The following EDIL3 variants were observed in gnomAD, a reference collection of about 807,000 sequenced individuals.
EDIL3 encodes the protein EGF-like repeat and discoidin I-like domain-containing protein 3.
EDIL3 carries 37 observed loss-of-function variants against 67.4 expected under a neutral mutation model. The observed-to-expected ratio is 0.55, with a 90% CI of 0.42 to 0.72. The LOEUF (loss-of-function observed/expected upper bound fraction) is 0.72, where lower values mean the gene tolerates loss of function less well. Ranked by LOEUF, EDIL3 falls within the 30% of genes least tolerant of loss-of-function variation. The pLI is 0.00. For synonymous variants in EDIL3, 195 were observed against 196.3 expected, an observed-to-expected ratio of 0.99 and a Z score of 0.05; for missense variants, 527 against 586.3, an observed-to-expected ratio of 0.90 and a Z score of 1.04.
chr5:83,964,991 C>T (rs1744665535), intron 9 of EDIL3, among the ~76,000 whole-genome samples: 1 of 151,960 alleles, frequency 6.6e-6, no homozygotes, highest in Admixed American at 6.6e-5. Flanking sequence ...ATTAATTCCA[C>T]TTTACAGATG....
At chr5:84,081,827 A>G (rs1746974486) in intron 6 of EDIL3, among the ~76,000 whole-genome samples, 1 of 151,872 alleles carries the variant, frequency 6.6e-6, no homozygotes, top group African/African-American at 2.4e-5. Flanking sequence ...TTTTTAACAG[A>G]GAGATGGGGA....
chr5:84,149,523 T>A (rs1210517513), intron 4 of EDIL3, among the ~76,000 whole-genome samples: 1 of 152,128 alleles, frequency 6.6e-6, no homozygotes, highest in African/African-American at 2.4e-5. Flanking sequence ...CCTAGAAGGA[T>A]CAAACTGTTT....
chr5:84,152,505 G>A (rs931007467), intron 4 of EDIL3, among the ~76,000 whole-genome samples: 4 of 152,290 alleles, frequency 2.6e-5, no homozygotes, highest in Non-Finnish European at 5.9e-5. Context: ...GCATTGCTCT[G>A]TTATGCTATT....
At chr5:84,312,184 G>GA (rs1746408268) in intron 1 of EDIL3, among the ~76,000 whole-genome samples, 2 of 148,928 alleles carry the variant, frequency 1.3e-5, no homozygotes, top group African/African-American at 4.9e-5. Flanking sequence ...TGGCCGGGCG[G>GA]GGGCTGACCC....
Position 84,376,454 on chromosome 5 carries a change from C to T in EDIL3, c.67+7854G>A, listed in dbSNP as rs528337807. Among the ~76,000 whole-genome samples the T allele has an allele frequency of 5.3e-5, 8 of 152,266 alleles. 1 individual carries two copies. In the South Asian group the frequency reaches 1.7e-3, roughly 32 times the overall value. On this transcript the variant is annotated intron_variant, in intron 1 of 10. Coordinates refer to ENST00000296591, the MANE Select transcript of EDIL3 (RefSeq NM_005711.5). ...AAAAAAGGGAAAAATCACTTAGAAG[C>T]AGCTTTTCTTTTAATTGAAGGTTCA...
chr5:84,203,128 G>A (rs1207950374), intron 3 of EDIL3, among the ~76,000 whole-genome samples: 1 of 152,042 alleles, frequency 6.6e-6, no homozygotes, highest in African/African-American at 2.4e-5. Context: ...TGTTCATGTC[G>A]AATGCTCCAG....
rs10708401 is a variant in EDIL3, at chr5:83,963,655, G to GTT, written c.1138-297_1138-296dup. ...TAGGTGGATTCATCTATTTGTGCAG[G>GTT]TTTTTTTTTTTTTTTTTGTAACTGA... is the stretch of plus-strand genomic sequence containing the variant. On this transcript the variant is annotated intron_variant, in intron 9 of 10. Coordinates refer to ENST00000296591, the MANE Select transcript of EDIL3 (RefSeq NM_005711.5). 5.0e-3 allele frequency among the ~76,000 whole-genome samples: 672 copies of GTT among 133,090 alleles called. 3 individuals carry two copies. The highest frequency in any genetic ancestry group is 8.5e-3 in the Non-Finnish European group (526 of 61,742). 87.3% of individuals were successfully genotyped at this position (133,090 alleles called of 152,430 possible).
chr5:84,238,666 T>TTTTTTTG (rs1554037702), intron 2 of EDIL3, among the ~76,000 whole-genome samples: 1 of 1,446 alleles, frequency 6.9e-4, no homozygotes, highest in Non-Finnish European at 2.0e-3. Flanking sequence ...AAATTAAATG[T>TTTTTTTG]TTTTTTTTTT....
chr5:84,031,066 G>A (rs185168701), intron 9 of EDIL3, among the ~76,000 whole-genome samples: 10 of 152,206 alleles, frequency 6.6e-5, no homozygotes, highest in Admixed American at 4.6e-4. Flanking sequence ...TTTCCTGTGT[G>A]GGTGTCTGTG....
chr5:84,131,541 G>A (rs934249538), intron 5 of EDIL3, among the ~76,000 whole-genome samples: 1 of 152,116 alleles, frequency 6.6e-6, no homozygotes, highest in South Asian at 2.1e-4. Flanking sequence ...CTGGGATTAA[G>A]GCCAGGTTCT....
At chr5:84,085,395 G>C (rs936014482) in intron 6 of EDIL3, among the ~76,000 whole-genome samples, 1 of 152,132 alleles carries the variant, frequency 6.6e-6, no homozygotes, top group African/African-American at 2.4e-5. Context: ...TGTTGTTGTT[G>C]TTGTTTTCTG....
chr5:84,218,135 T>C (rs1295454406), intron 3 of EDIL3, among the ~76,000 whole-genome samples: 1 of 152,308 alleles, frequency 6.6e-6, no homozygotes, highest in Non-Finnish European at 1.5e-5. Flanking sequence ...AAACAAATAT[T>C]AAGTCACTTT....
chr5:84,256,964 C>A (rs1488419204), intron 1 of EDIL3, among the ~76,000 whole-genome samples: 3 of 152,088 alleles, frequency 2.0e-5, no homozygotes, highest in Non-Finnish European at 4.4e-5. Flanking sequence ...CAAGACCCAC[C>A]CACCTATGTG....
intron 1 of EDIL3, among the ~76,000 whole-genome samples, chr5:84,324,616 T>TA (rs1746716400): frequency 6.6e-6 from 1 of 151,032 alleles, no homozygotes; most frequent in African/African-American, 2.4e-5. Context: ...AGAAAACTAA[T>TA]AAAAAGTTGA....
intron 2 of EDIL3, among the ~76,000 whole-genome samples, chr5:84,236,281 T>G (rs566680573): frequency 6.6e-6 from 1 of 152,222 alleles, no homozygotes; most frequent in Admixed American, 6.5e-5. Flanking sequence ...ATAGCCTACA[T>G]TCATATCCCA....
At chr5:84,120,834 G>A (rs1747762724) in intron 5 of EDIL3, among the ~76,000 whole-genome samples, 2 of 151,886 alleles carry the variant, frequency 1.3e-5, no homozygotes, top group South Asian at 4.2e-4. Context: ...TGCACACTCT[G>A]AAGCCTGTTG....
chr5:84,320,182 C>A (rs1746607098), intron 1 of EDIL3, among the ~76,000 whole-genome samples: 1 of 151,382 alleles, frequency 6.6e-6, no homozygotes, highest in Non-Finnish European at 1.5e-5. Context: ...ACCCCTCCCC[C>A]AAAAAAAATG....
chr5:84,028,075 T>C (rs1211205152), intron 9 of EDIL3, among the ~76,000 whole-genome samples: 1 of 152,144 alleles, frequency 6.6e-6, no homozygotes, highest in East Asian at 1.9e-4. Context: ...TTAAGATTTC[T>C]TTTTTTGGTG....
At chr5:84,022,122 A>G (rs1020806310) in intron 9 of EDIL3, among the ~76,000 whole-genome samples, 2 of 151,886 alleles carry the variant, frequency 1.3e-5, no homozygotes, top group African/African-American at 4.8e-5. Context: ...AAAGAAAACT[A>G]TAGGCCCAAA....
Sources: gnomAD v4.1 joint callset for allele counts (sites outside exome capture counted in the v4.1 genomes callset) on GRCh38, gnomAD v4.1.1 for gene constraint, MANE v1.5 for transcripts, NCBI Gene and HGNC (gene_info 2026-07-23, HGNC 2026-07-21) for gene names.